The following DPP10 variants were observed in gnomAD, a reference collection of about 807,000 sequenced individuals.
DPP10 encodes the protein inactive dipeptidyl peptidase 10.
Under a neutral mutation model 120.9 loss-of-function variants are expected in DPP10, and 33 were observed. That is an observed-to-expected ratio of 0.27 (90% CI 0.21 to 0.37). The LOEUF (loss-of-function observed/expected upper bound fraction) is 0.37, where lower values mean the gene tolerates loss of function less well. Among genes scored for constraint, DPP10 ranks in the 10% least tolerant of loss-of-function variants. The pLI is 1.00. For missense variants in DPP10, 816 were observed against 942.8 expected (o/e 0.87, Z 1.76); for synonymous variants, 337 against 326.1 (o/e 1.03, Z -0.36).
At chr2:115,766,287 T>TGTGTGTGC (rs1491390964) in intron 12 of DPP10, among the ~76,000 whole-genome samples, 5 of 12,436 alleles carry the variant, frequency 4.0e-4, no homozygotes, top group Middle Eastern at 0.091. Flanking sequence ...ATTATATATA[T>TGTGTGTGC]GTGTGTGTGT....
At chr2:115,598,959 T>C (rs1162353371) in intron 5 of DPP10, among the ~76,000 whole-genome samples, 1 of 151,172 alleles carries the variant, frequency 6.6e-6, no homozygotes, top group Non-Finnish European at 1.5e-5. Flanking sequence ...ATGAGAACTT[T>C]ATTTATTTAT....
At chr2:114,883,513 A>G (rs980916350) in intron 1 of DPP10, among the ~76,000 whole-genome samples, 1 of 152,194 alleles carries the variant, frequency 6.6e-6, no homozygotes, top group Non-Finnish European at 1.5e-5. Context: ...TTAACCATTG[A>G]AACATGCTCA....
At chr2:114,974,394 A>G (rs1699608612) in intron 1 of DPP10, among the ~76,000 whole-genome samples, 1 of 149,358 alleles carries the variant, frequency 6.7e-6, no homozygotes. Context: ...TAGTCTTGGG[A>G]TATAGGCTAA....
Position 115,210,191 on chromosome 2 carries a change from CCCTG to C in DPP10, c.61-99047_61-99044del, listed in dbSNP as rs2056413474. On this transcript the variant is annotated intron_variant, in intron 1 of 25. Transcript: ENST00000410059. ...CCTCCTCTCCCAACTCCATGACAGG[CCCTG>C]GTGTGTGGTGTTCCCCATCCTGTGT... 1.3e-5 allele frequency among the ~76,000 whole-genome samples: 2 copies of C among 152,072 alleles called. 1 individual carries two copies. The highest frequency in any genetic ancestry group is 4.8e-5 in the African/African-American group (2 of 41,400).
intron 1 of DPP10, among the ~76,000 whole-genome samples, chr2:115,029,703 C>T (rs1215039543): frequency 6.6e-6 from 1 of 151,850 alleles, no homozygotes; most frequent in Non-Finnish European, 1.5e-5. Flanking sequence ...TCTTGGGATT[C>T]TGGATATTTT....
At chr2:114,724,173 C>T (rs1017760237) in intron 1 of DPP10, among the ~76,000 whole-genome samples, 1 of 152,130 alleles carries the variant, frequency 6.6e-6, no homozygotes, top group African/African-American at 2.4e-5. Context: ...TAAAATGTGA[C>T]AACAGTCACA....
At chr2:115,219,546 C>G (rs954636009) in intron 1 of DPP10, among the ~76,000 whole-genome samples, 2 of 152,050 alleles carry the variant, frequency 1.3e-5, no homozygotes, top group African/African-American at 4.8e-5. Flanking sequence ...AGAATAATGA[C>G]AGAAATTATA....
chr2:115,505,638 C>G (rs1330386525), intron 4 of DPP10, among the ~76,000 whole-genome samples: 2 of 152,092 alleles, frequency 1.3e-5, no homozygotes, highest in Admixed American at 1.3e-4. Flanking sequence ...TATTTCTGCC[C>G]TTCATTTTCT....
chr2:114,449,527 C>G (rs1370740927), intron 1 of DPP10, among the ~76,000 whole-genome samples: 1 of 151,548 alleles, frequency 6.6e-6, no homozygotes, highest in African/African-American at 2.4e-5. Flanking sequence ...TACAGCCTGC[C>G]CTACTACCTG....
At chr2:114,591,975 T>C (rs909731745) in intron 1 of DPP10, among the ~76,000 whole-genome samples, 1 of 152,170 alleles carries the variant, frequency 6.6e-6, no homozygotes, top group Non-Finnish European at 1.5e-5. Context: ...GGAAAAGTGA[T>C]ACTAGAGACT....
chr2:115,205,720 C>T (rs2056075304), intron 1 of DPP10, among the ~76,000 whole-genome samples: 1 of 152,132 alleles, frequency 6.6e-6, no homozygotes, highest in Admixed American at 6.6e-5. Flanking sequence ...AAATCATGTT[C>T]TTTGCAGTAA....
chr2:115,248,582 G>A (rs1471941875), intron 1 of DPP10, among the ~76,000 whole-genome samples: 3 of 151,972 alleles, frequency 2.0e-5, no homozygotes, highest in African/African-American at 7.3e-5. Context: ...GTTATACAGA[G>A]GTAATGATGA....
intron 1 of DPP10, among the ~76,000 whole-genome samples, chr2:114,809,474 T>C (rs1345849151): frequency 6.6e-6 from 1 of 152,264 alleles, no homozygotes; most frequent in Non-Finnish European, 1.5e-5. Flanking sequence ...AAGTAGTCGA[T>C]GCTGGAAAAC....
chr2:115,277,750 A>G (rs988144256), intron 1 of DPP10, among the ~76,000 whole-genome samples: 34 of 152,084 alleles, frequency 2.2e-4, no homozygotes, highest in African/African-American at 7.5e-4. Context: ...AATAAATTAA[A>G]GATTTTATTA....
chr2:114,459,828 GAGT>G (rs1271464436), intron 1 of DPP10, among the ~76,000 whole-genome samples: 19 of 151,974 alleles, frequency 1.3e-4, no homozygotes, highest in Admixed American at 1.1e-3. Context: ...AATATTTCTT[GAGT>G]AGTAGTAAAG....
intron 1 of DPP10, among the ~76,000 whole-genome samples, chr2:114,818,814 C>A (rs1685850341): frequency 6.6e-6 from 1 of 152,152 alleles, no homozygotes; most frequent in African/African-American, 2.4e-5. Context: ...ACCTTTTCTA[C>A]CACACGCACC....
chr2:115,579,766 T>G (rs2081907883), intron 5 of DPP10: 1 of 152,186 alleles, frequency 6.6e-6, no homozygotes, highest in South Asian at 2.1e-4. Context: ...TCTCTCTCTC[T>G]CAGTTTCTCT....
intron 1 of DPP10, among the ~76,000 whole-genome samples, chr2:114,462,802 T>C (rs756755608): frequency 5.9e-5 from 9 of 152,172 alleles, no homozygotes; most frequent in Non-Finnish European, 1.3e-4. Context: ...ACAGGGCAAG[T>C]ATCAACATAA....
intron 7 of DPP10, among the ~76,000 whole-genome samples, chr2:115,694,834 G>T (rs892584993): frequency 2.0e-5 from 3 of 152,180 alleles, no homozygotes; most frequent in African/African-American, 7.2e-5. Context: ...CAGCCCCATG[G>T]CAGGCAGCTG....
Sources: gnomAD v4.1 joint callset for allele counts (sites outside exome capture counted in the v4.1 genomes callset) on GRCh38, gnomAD v4.1.1 for gene constraint, MANE v1.5 for transcripts, NCBI Gene and HGNC (gene_info 2026-07-23, HGNC 2026-07-21) for gene names.